The following SH3PXD2A variants were observed in gnomAD, a reference collection of about 807,000 sequenced individuals.
SH3PXD2A encodes SH3 and PX domains 2A.
In SH3PXD2A, 32 loss-of-function variants were observed where a neutral mutation model predicts 115.2. That is an observed-to-expected ratio of 0.28 (90% confidence interval 0.21 to 0.37). The LOEUF (loss-of-function observed/expected upper bound fraction) is 0.37. SH3PXD2A is among the 10% of genes least tolerant of loss of function. SH3PXD2A has a pLI of 1.00. For missense variants in SH3PXD2A, 1,328 were observed against 1,498.7 expected (o/e 0.89, Z 1.88); for synonymous variants, 610 against 629.1 (o/e 0.97, Z 0.45).
intron 2 of SH3PXD2A, among the ~76,000 whole-genome samples, chr10:103,791,795 G>T (rs1052700467): frequency 6.6e-6 from 1 of 151,962 alleles, no homozygotes; most frequent in Non-Finnish European, 1.5e-5. Context: ...AACTCCATCT[G>T]CTTAAAGGGG....
At chr10:103,658,814 G>T (rs1165253503) in intron 8 of SH3PXD2A, among the ~76,000 whole-genome samples, 1 of 152,222 alleles carries the variant, frequency 6.6e-6, no homozygotes, top group Non-Finnish European at 1.5e-5. Flanking sequence ...CTGAGAGAGA[G>T]CTCAGGGAGG....
At chr10:103,722,010 A>AT (rs778472611) in intron 5 of SH3PXD2A, among the ~76,000 whole-genome samples, 1 of 152,014 alleles carries the variant, frequency 6.6e-6, no homozygotes, top group Non-Finnish European at 1.5e-5. Context: ...GGATAAGAAT[A>AT]TACAAGCCCT....
chr10:103,793,016 T>C (rs1473946329), intron 2 of SH3PXD2A, among the ~76,000 whole-genome samples: 1 of 152,334 alleles, frequency 6.6e-6, no homozygotes, highest in Non-Finnish European at 1.5e-5. Flanking sequence ...GTGCTTTCTG[T>C]CCCATTATAC....
chr10:103,744,668 G>C, intron 3 of SH3PXD2A, among the ~76,000 whole-genome samples: 1 of 152,128 alleles, frequency 6.6e-6, no homozygotes, highest in East Asian at 1.9e-4. Flanking sequence ...TGGCTTTGTT[G>C]CCATTTACTT....
Position 103,661,097 on chromosome 10 carries a change from C to T in SH3PXD2A, c.490G>A (p.Glu164Lys), listed in dbSNP as rs749994972. 1.5e-5 allele frequency: 24 copies of T among 1,613,348 alleles called. No homozygotes were observed. The highest frequency in any genetic ancestry group is 2.0e-5 in the Non-Finnish European group (24 of 1,179,692). ...KDVTGADATA[E>K]PMILEQYVVV... The stretch of plus-strand genomic sequence containing the variant: ...ACGTACTGTTCCAGGATCATGGGCT[C>T]GGCGGTGGCGTCGGCACCTGGCGAG... The change falls in exon 8 of 15, where the codon GAG (glutamate) becomes AAG (lysine). Residue 164 changes from glutamate to lysine, a missense_variant. Physicochemically the swap from Glu to Lys is moderately conservative, Grantham distance 56. Around this residue, in one of 5 missense-constraint regions of SH3PXD2A, gnomAD observed 90 missense variants for 71.1 expected, o/e 1.27. Coordinates refer to ENST00000369774, the MANE Select transcript of SH3PXD2A (RefSeq NM_001394015.1).
At position 103,603,207 on chromosome 10, in the gene SH3PXD2A, G is replaced by A. The variant is rs1419729334; in HGVS notation, c.2011C>T (p.Leu671Phe). Residue 671 changes from leucine (L) to phenylalanine (F), a missense_variant, in exon 15 of 15, where the codon CTC (leucine) becomes TTC (phenylalanine). Transcript: ENST00000369774. ...GSPKSSSLLKLKAEKNAQAEM... is the reference protein window; with the variant it reads ...GSPKSSSLLKFKAEKNAQAEM... ...GCCTGGGCATTCTTCTCTGCCTTGA[G>A]CTTTAGGAGTGATGATGACTTGGGG... is the stretch of plus-strand genomic sequence containing the variant. 9 of 1,614,074 alleles carry A rather than the reference G, an allele frequency of 5.6e-6. No homozygotes were observed. The highest frequency in any genetic ancestry group is 7.6e-6 in the Non-Finnish European group (9 of 1,180,060).
chr10:103,738,106 C>T (rs1038162640), intron 3 of SH3PXD2A, among the ~76,000 whole-genome samples: 2 of 152,208 alleles, frequency 1.3e-5, no homozygotes, highest in African/African-American at 4.8e-5. Context: ...CATCTTTTCT[C>T]TGAAGCCAGA....
chr10:103,638,842 T>TGGCCAGGGAA (rs1267533905), intron 8 of SH3PXD2A, among the ~76,000 whole-genome samples: 1 of 152,214 alleles, frequency 6.6e-6, no homozygotes, highest in Non-Finnish European at 1.5e-5. Flanking sequence ...GGGCCAGGGA[T>TGGCCAGGGAA]GGCCAGGGAA....
chr10:103,682,863 G>A (rs2037629384), intron 6 of SH3PXD2A, among the ~76,000 whole-genome samples: 1 of 152,272 alleles, frequency 6.6e-6, no homozygotes, highest in African/African-American at 2.4e-5. Flanking sequence ...GAGGGTGGCA[G>A]GAAGATCTTT....
intron 5 of SH3PXD2A, among the ~76,000 whole-genome samples, chr10:103,700,211 T>TGCTTTGTGATA (rs111664722): frequency 0.012 from 1,755 of 152,352 alleles, 24 homozygotes; most frequent in African/African-American, 0.04. Flanking sequence ...AGAACCCTGG[T>TGCTTTGTGATA]TCAGCCACCT....
chr10:103,681,750 ACACGCGCCCGCGCGCGCGCGCG>A, intron 6 of SH3PXD2A, among the ~76,000 whole-genome samples: 1 of 137,530 alleles, frequency 7.3e-6, no homozygotes, highest in Middle Eastern at 3.8e-3. Flanking sequence ...TCACACACAC[ACACGCGCCCGCGCGCGCGCGCG>A]CACACACACA....
At chr10:103,706,612 A>G (rs946993662) in intron 5 of SH3PXD2A, among the ~76,000 whole-genome samples, 2 of 152,200 alleles carry the variant, frequency 1.3e-5, no homozygotes, top group Non-Finnish European at 2.9e-5. Flanking sequence ...GGCCCAGCAC[A>G]GGGCTGGTTA....
At chr10:103,827,012 G>C (rs1366986627) in intron 1 of SH3PXD2A, among the ~76,000 whole-genome samples, 1 of 152,314 alleles carries the variant, frequency 6.6e-6, no homozygotes, top group South Asian at 2.1e-4. Context: ...AAGTGATCAA[G>C]GGATGAATCC....
intron 5 of SH3PXD2A, among the ~76,000 whole-genome samples, chr10:103,711,488 A>G (rs1426938916): frequency 6.6e-6 from 1 of 152,124 alleles, no homozygotes; most frequent in East Asian, 1.9e-4. Flanking sequence ...ACTGAGATGA[A>G]CACCCTCCCC....
intron 1 of SH3PXD2A, among the ~76,000 whole-genome samples, chr10:103,841,703 G>C (rs911898756): frequency 2.6e-5 from 4 of 152,048 alleles, no homozygotes; most frequent in Non-Finnish European, 5.9e-5. Context: ...CGGGGCCTTG[G>C]CACCTGTTGT....
chr10:103,775,143 A>G (rs2038865722), intron 2 of SH3PXD2A, among the ~76,000 whole-genome samples: 1 of 152,222 alleles, frequency 6.6e-6, no homozygotes, highest in African/African-American at 2.4e-5. Flanking sequence ...ACGCTGAGGA[A>G]GCACGGTGCT....
At chr10:103,681,895 T>C (rs1415107832) in intron 6 of SH3PXD2A, among the ~76,000 whole-genome samples, 2 of 152,126 alleles carry the variant, frequency 1.3e-5, no homozygotes, top group African/African-American at 2.4e-5. Flanking sequence ...CTGGGCAATA[T>C]GGTGAAACCC....
intron 13 of SH3PXD2A, among the ~76,000 whole-genome samples, chr10:103,611,014 G>A (rs755686627): frequency 2.6e-5 from 4 of 152,170 alleles, no homozygotes; most frequent in Non-Finnish European, 5.9e-5. Flanking sequence ...CCCCTGATGC[G>A]TATCTACCTG....
chr10:103,776,444 G>GTGTC (rs1266058584), intron 2 of SH3PXD2A, among the ~76,000 whole-genome samples: 22 of 149,406 alleles, frequency 1.5e-4, no homozygotes, highest in African/African-American at 5.4e-4. Flanking sequence ...GTCTGTGTGT[G>GTGTC]TGTGTGTGTG....
Sources: allele counts gnomAD v4.1 joint callset (sites outside exome capture counted in the v4.1 genomes callset), GRCh38; gene constraint gnomAD v4.1.1; regional missense constraint gnomAD v4.1.1; transcripts MANE v1.5; gene names NCBI Gene and HGNC (gene_info 2026-07-23, HGNC 2026-07-21).